TTC7B: variants seen among roughly 807,000 people sequenced by gnomAD.
TTC7B encodes the protein tetratricopeptide repeat domain 7B, also known as tetratricopeptide repeat protein 7B.
Under a neutral mutation model 106.8 loss-of-function variants are expected in TTC7B, and 28 were observed. The observed-to-expected ratio is 0.26, with a 90% confidence interval of 0.19 to 0.36. The LOEUF (loss-of-function observed/expected upper bound fraction) is 0.36. Ranked by LOEUF, TTC7B falls within the 10% of genes least tolerant of loss-of-function variation. The pLI is 1.00. For synonymous variants in TTC7B, 405 were observed against 430.6 expected, an observed-to-expected ratio of 0.94 and a Z score of 0.74; for missense variants, 862 against 1,076.4, an observed-to-expected ratio of 0.80 and a Z score of 2.79.
rs140881623 is a variant in TTC7B, at chr14:90,564,880, C to T, written c.2310+13226G>A. ...GAGCTATGACTGCGCTGCTGCACTC[C>T]AGCTTGGGAGGCAGAGTGAGACCTC... On this transcript the variant is annotated intron_variant, in intron 19 of 19. Transcript: ENST00000328459. 5.5e-4 allele frequency among the ~76,000 whole-genome samples: 84 copies of T among 152,232 alleles called. 2 individuals are homozygous for T. The highest frequency in any genetic ancestry group is 1.9e-3 in the African/African-American group (79 of 41,532).
intron 5 of TTC7B, among the ~76,000 whole-genome samples, chr14:90,713,944 C>T (rs919505311): frequency 6.6e-6 from 1 of 152,166 alleles, no homozygotes; most frequent in East Asian, 1.9e-4. Flanking sequence ...AAGTGAGACA[C>T]AGGCCGGGTG....
intron 13 of TTC7B, 41 bp downstream of exon 13, chr14:90,652,800 T>C: frequency 6.2e-7 from 1 of 1,607,078 alleles, no homozygotes; most frequent in Non-Finnish European, 8.5e-7. Flanking sequence ...TACTTTGGTG[T>C]CATTATGTAC....
intron 18 of TTC7B, among the ~76,000 whole-genome samples, chr14:90,582,710 C>T (rs914220212): frequency 1.4e-4 from 22 of 152,210 alleles, no homozygotes; most frequent in African/African-American, 4.8e-4. Context: ...TCTATTTTGC[C>T]AGGTCAGAGT....
chr14:90,579,303 C>T (rs1454904185), intron 18 of TTC7B, among the ~76,000 whole-genome samples: 55 of 152,218 alleles, frequency 3.6e-4, no homozygotes, highest in Admixed American at 3.5e-3. Flanking sequence ...CCCGCTCTGT[C>T]GGGGCTCATG....
chr14:90,602,967 C>G (rs918921416), intron 17 of TTC7B, among the ~76,000 whole-genome samples: 4 of 152,184 alleles, frequency 2.6e-5, no homozygotes, highest in Non-Finnish European at 4.4e-5. Context: ...GTGCTTCTCA[C>G]CACCCACTGC....
In TTC7B at chr14:90,608,822, T is replaced by C. The variant is rs569293706; in HGVS notation, c.1966+1920A>G. Among the ~76,000 whole-genome samples the C allele has an allele frequency of 6.6e-6, 1 of 152,352 alleles. No individual in the cohort carries two copies. The highest frequency in any genetic ancestry group is 6.5e-5 in the Admixed American group (1 of 15,306). On this transcript the variant is annotated intron_variant, in intron 17 of 19. Transcript: ENST00000328459. This position sits in a 1 kb window ranked among gnomAD's most constrained non-coding sequence, Gnocchi z 5.1. ...CTGACACTACCTGTTCTCAATGTGA[T>C]GTGGCTTTAAAGTCTTGGGACCTCC...
rs1022745923 is a variant in TTC7B at position 90,570,895 on chromosome 14, G to A, written c.2310+7211C>T. ...CAGAGAGATGAAGGGACTTATCTCG[G>A]GGTACGCAGTTAGTAAGCGACACAG... On this transcript the variant is annotated intron_variant, in intron 19 of 19. Transcript: ENST00000328459. This position sits in a 1 kb window ranked among gnomAD's most constrained non-coding sequence, Gnocchi z 4.0. 3.3e-5 allele frequency among the ~76,000 whole-genome samples: 5 copies of A among 152,170 alleles called. No individual in the cohort carries two copies.
At chr14:90,724,337 C>T (rs1042288407) in intron 5 of TTC7B, among the ~76,000 whole-genome samples, 6 of 152,186 alleles carry the variant, frequency 3.9e-5, no homozygotes, top group Non-Finnish European at 7.3e-5. Context: ...CTCTTCACCA[C>T]TCGTCCCCAC....
At chr14:90,803,650 T>C (rs1401405324) in intron 1 of TTC7B, among the ~76,000 whole-genome samples, 1 of 152,110 alleles carries the variant, frequency 6.6e-6, no homozygotes, top group Non-Finnish European at 1.5e-5. Context: ...AGAAACAATA[T>C]TCTGGGAAAA....
chr14:90,554,413 C>A (rs935524195), intron 19 of TTC7B, among the ~76,000 whole-genome samples: 2 of 152,222 alleles, frequency 1.3e-5, no homozygotes, highest in South Asian at 2.1e-4. Flanking sequence ...GGAACAGCAT[C>A]CGGGTGTTCG....
chr14:90,723,749 A>G lies in TTC7B; in HGVS notation c.698+6326T>C, dbSNP rs1888983171. On this transcript the variant is annotated intron_variant, in intron 5 of 19. Coordinates refer to ENST00000328459, the MANE Select transcript of TTC7B (RefSeq NM_001010854.2). ...TGCACCCATTCACTTCCTAGCACCT[A>G]TTCCAATTTGTAATTATATATGACC... 2.0e-5 allele frequency among the ~76,000 whole-genome samples: 3 copies of G among 152,264 alleles called. 1 individual carries two copies. In the South Asian group the frequency reaches 6.2e-4, roughly 32 times the overall value.
intron 5 of TTC7B, among the ~76,000 whole-genome samples, chr14:90,706,160 AATTTTT>A: frequency 8.8e-6 from 1 of 113,594 alleles, no homozygotes; most frequent in African/African-American, 3.6e-5. Flanking sequence ...TAGCTGGAAT[AATTTTT>A]TTTTTTTTTT....
intron 18 of TTC7B, among the ~76,000 whole-genome samples, chr14:90,589,029 G>A (rs775737633): frequency 1.3e-5 from 2 of 152,072 alleles, no homozygotes; most frequent in African/African-American, 4.8e-5. Context: ...CAAAAGCTAC[G>A]GACAGAAAAC....
chr14:90,690,214 C>A (rs139727362), intron 6 of TTC7B, among the ~76,000 whole-genome samples: 5 of 152,344 alleles, frequency 3.3e-5, no homozygotes, highest in Non-Finnish European at 7.3e-5. Context: ...AGGGCCTAAT[C>A]ATCCCACCCC....
At chr14:90,695,933 C>T (rs951422815) in intron 5 of TTC7B, among the ~76,000 whole-genome samples, 3 of 151,862 alleles carry the variant, frequency 2.0e-5, no homozygotes, top group Non-Finnish European at 2.9e-5. Flanking sequence ...TGGGAGACAA[C>T]ACTGGGCAAC....
intron 4 of TTC7B, among the ~76,000 whole-genome samples, chr14:90,736,805 T>C (rs1194643279): frequency 6.8e-6 from 1 of 147,396 alleles, no homozygotes; most frequent in African/African-American, 2.5e-5. Context: ...GACAGGAGGA[T>C]CTCTTGAGCC....
At chr14:90,745,767 C>A (rs536380790) in intron 3 of TTC7B, among the ~76,000 whole-genome samples, 1 of 149,660 alleles carries the variant, frequency 6.7e-6, no homozygotes, top group African/African-American at 2.5e-5. Flanking sequence ...TGCAGCAGTG[C>A]GACCTCGGCT....
intron 1 of TTC7B, among the ~76,000 whole-genome samples, chr14:90,810,779 C>T (rs1380408440): frequency 6.6e-6 from 1 of 152,198 alleles, no homozygotes; most frequent in African/African-American, 2.4e-5. Flanking sequence ...GGCAAACAGC[C>T]TTTTCTGTGA....
At chr14:90,633,525 CA>C (rs1338335885) in intron 15 of TTC7B, among the ~76,000 whole-genome samples, 2 of 152,088 alleles carry the variant, frequency 1.3e-5, no homozygotes, top group East Asian at 3.8e-4. Context: ...ATTCCAAAGA[CA>C]AAAAACAACA....
Sources: gnomAD v4.1 joint callset for allele counts (sites outside exome capture counted in the v4.1 genomes callset) on GRCh38, gnomAD v4.1.1 for gene constraint, Gnocchi (gnomAD v3.1) non-coding constraint, MANE v1.5 for transcripts, NCBI Gene and HGNC (gene_info 2026-07-23, HGNC 2026-07-21) for gene names.